The following ACOT6 variants were observed in gnomAD, a reference collection of about 807,000 sequenced individuals.
ACOT6 encodes acyl-CoA thioesterase 6.
ACOT6 carries 14 observed loss-of-function variants against 12.3 expected under a neutral mutation model. That is an observed-to-expected ratio of 1.14 (90% CI 0.75 to 1.78). The LOEUF (loss-of-function observed/expected upper bound fraction) is 1.78, where lower values mean the gene tolerates loss of function less well. ACOT6 is among the 40% of genes most tolerant of loss of function. ACOT6 has a pLI of 0.00. For synonymous variants in ACOT6, 218 were observed against 231.3 expected (o/e 0.94, Z 0.52); for missense variants, 523 against 551.8 (o/e 0.95, Z 0.52).
At position 73,612,862 on chromosome 14, in the gene ACOT6, C is replaced by T. The variant is rs939369426; in HGVS notation, c.291C>T (p.Asp97=). 4 of 1,405,266 alleles carry T rather than the reference C, an allele frequency of 2.8e-6. No homozygotes were observed. In the Admixed American group the frequency reaches 7.1e-5, roughly 25 times the overall value. The allele number at this position is 1,405,266 out of a possible 1,614,324, so 87.0% of individuals were successfully genotyped here. The part of the protein sequence containing the change: ...EKALVRLVKR[D]VRTPFAVELE... ...CCTTGGTGCGGCTGGTGAAGCGCGA[C>T]GTGCGGACGCCCTTCGCCGTGGAGC... The change falls in exon 1 of 3, where the codon GAC becomes GAT. Residue 97 remains aspartate, a synonymous_variant. Coordinates refer to ENST00000645972, the MANE Select transcript of ACOT6 (RefSeq NM_001365788.1).
chr14:73,613,905 A>T (rs767713785), intron 1 of ACOT6, among the ~76,000 whole-genome samples: 1 of 151,908 alleles, frequency 6.6e-6, no homozygotes, highest in Non-Finnish European at 1.5e-5. Flanking sequence ...TATAAAAATG[A>T]TGAGCCGGGC....
Position 73,617,158 on chromosome 14 carries a change from A to T in ACOT6, c.626A>T (p.Glu209Val). Reference sequence around the variant, plus strand: ...AATGATGTACATCTGGAGTACTTTGAAGAAGCCGTGGACTTTATGCTGCAG... The same window carrying T: ...AATGATGTACATCTGGAGTACTTTGTAGAAGCCGTGGACTTTATGCTGCAG... ...DLNDVHLEYF[E>V]EAVDFMLQHP... Residue 209 changes from glutamate to valine, a missense_variant, in exon 2 of 3, where the codon GAA becomes GTA. By Grantham distance (121) the Glu-to-Val change is moderately radical (BLOSUM62 -2). Transcript: ENST00000645972. The T allele has an allele frequency of 1.2e-6, 2 of 1,614,130 alleles. 1 individual carries two copies. Among genetic ancestry groups the T allele is most frequent in the South Asian group, 2.2e-5 (2 of 91,080 alleles).
intron 1 of ACOT6, 107 bp downstream of exon 1, chr14:73,613,139 G>C (rs1409870168): frequency 2.0e-6 from 1 of 491,028 alleles, no homozygotes; most frequent in African/African-American, 2.0e-5. Context: ...CTTCGCTCCA[G>C]AGTCTGTCAT....
chr14:73,616,441 G>T (rs1173610595), intron 1 of ACOT6, among the ~76,000 whole-genome samples: 3 of 151,644 alleles, frequency 2.0e-5, no homozygotes, highest in Non-Finnish European at 4.4e-5. Context: ...ACCTGTAATC[G>T]CAGCACTTTG....
At chr14:73,613,064 G>A in intron 1 of ACOT6, 32 bp downstream of exon 1, 1 of 603,130 alleles carries the variant, frequency 1.7e-6, no homozygotes, top group Non-Finnish European at 2.7e-6. Context: ...CGAGCTCTGC[G>A]ACCCCCACCG....
chr14:73,616,144 T>C (rs1318476417), intron 1 of ACOT6, among the ~76,000 whole-genome samples: 1 of 152,088 alleles, frequency 6.6e-6, no homozygotes, highest in Non-Finnish European at 1.5e-5. Context: ...TTTTTTAAAC[T>C]TTTTTGTAGA....
At chr14:73,616,080 C>T (rs1197159017) in intron 1 of ACOT6, among the ~76,000 whole-genome samples, 1 of 151,784 alleles carries the variant, frequency 6.6e-6, no homozygotes, top group Non-Finnish European at 1.5e-5. Context: ...GATCCTCCCG[C>T]CTCTTCCTCC....
At chr14:73,616,132 A>C (rs1215184195) in intron 1 of ACOT6, among the ~76,000 whole-genome samples, 1 of 152,012 alleles carries the variant, frequency 6.6e-6, no homozygotes, top group Non-Finnish European at 1.5e-5. Context: ...ATGCCCAGCT[A>C]GTTTTTTAAA....
chr14:73,614,941 AC>A (rs1890507739), intron 1 of ACOT6, among the ~76,000 whole-genome samples: 1 of 151,174 alleles, frequency 6.6e-6, no homozygotes, highest in Non-Finnish European at 1.5e-5. Context: ...TACTAAAAAT[AC>A]AAAAGTTAGC....
chr14:73,617,276 G>A, intron 2 of ACOT6, 84 bp downstream of exon 2: 1 of 1,564,868 alleles, frequency 6.4e-7, no homozygotes, highest in East Asian at 2.2e-5. Context: ...CCAGAACACT[G>A]AGAACTAGAA....
At chr14:73,615,555 A>G (rs1890524286) in intron 1 of ACOT6, among the ~76,000 whole-genome samples, 1 of 151,790 alleles carries the variant, frequency 6.6e-6, no homozygotes, top group African/African-American at 2.4e-5. Flanking sequence ...ACATGGTGAA[A>G]CCCCATCTCT....
chr14:73,619,519 G>A lies in ACOT6; in HGVS notation c.946G>A (p.Val316Met), dbSNP rs1360676383. Residue 316 changes from valine (V) to methionine (M), a missense_variant, in exon 3 of 3, where the codon GTG becomes ATG. Val to Met is a conservative substitution (Grantham distance 21, BLOSUM62 1). This residue lies in a region of ACOT6 where 219 missense variants were observed against 277.0 expected (regional missense o/e 0.79). Transcript: ENST00000645972. ...QSLVPLEKAQ[V>M]PFLFIVGMDD... is the part of the protein sequence containing the mutation. Reference sequence around the variant, plus strand: ...TCTTGTTCCATTGGAAAAGGCGCAGGTGCCCTTCTTGTTTATTGTTGGCAT... The same window carrying A: ...TCTTGTTCCATTGGAAAAGGCGCAGATGCCCTTCTTGTTTATTGTTGGCAT... 1.9e-6 allele frequency: 3 copies of A among 1,614,220 alleles called. No individual in the cohort carries two copies. The highest frequency in any genetic ancestry group is 2.5e-6 in the Non-Finnish European group (3 of 1,180,030).
intron 1 of ACOT6, among the ~76,000 whole-genome samples, chr14:73,615,398 AAAAAAAAAACAAAAAAC>A (rs1261833541): frequency 1.4e-5 from 2 of 141,934 alleles, no homozygotes; most frequent in East Asian, 2.2e-4. Context: ...TAAAAAAAAA[AAAAAAAAAACAAAAAAC>A]AAAAAAAACC....
Position 73,619,489 on chromosome 14 carries a change from CA to C in ACOT6, c.919del (p.Ser307ValfsTer31). Reference sequence around the variant, plus strand: ...CAATCCACTGGAGGAACACAATCACCAAAGTCTTGTTCCATTGGAAAAGGCG... The same window carrying C: ...CAATCCACTGGAGGAACACAATCACCAAGTCTTGTTCCATTGGAAAAGGCG... ...WSNPLEEHNH[Q>X]SLVPLEKAQV... On this transcript the variant is annotated frameshift_variant, in exon 3 of 3. Transcript: ENST00000645972. LOFTEE classifies it low-confidence loss of function (END_TRUNC). The C allele has an allele frequency of 6.2e-7, 1 of 1,614,216 alleles. No homozygotes were observed. The highest frequency in any genetic ancestry group is 1.1e-5 in the South Asian group (1 of 91,084).
chr14:73,615,388 T>TAA lies in ACOT6; in HGVS notation c.462-1588_462-1587dup, dbSNP rs1160138803. 8.1e-3 allele frequency among the ~76,000 whole-genome samples: 513 copies of TAA among 63,210 alleles called. 38 individuals carry two copies. The highest frequency in any genetic ancestry group is 0.036 in the African/African-American group (360 of 9,970). 41.5% of individuals were successfully genotyped at this position (63,210 alleles called of 152,430 possible). ...GGCAACAGAGAGAGACTCTGTCTGATAAAAAAAAAAAAAAAAAAACAAAAA... is the reference window on the plus strand; with the variant it reads ...GGCAACAGAGAGAGACTCTGTCTGATAAAAAAAAAAAAAAAAAAAAACAAAAA... On this transcript the variant is annotated intron_variant, in intron 1 of 2. Coordinates refer to ENST00000645972, the MANE Select transcript of ACOT6 (RefSeq NM_001365788.1).
Position 73,612,868 on chromosome 14 carries a change from G to T in ACOT6, c.297G>T (p.Arg99=). ...ALVRLVKRDV[R]TPFAVELEVL... ...TGCGGCTGGTGAAGCGCGACGTGCG[G>T]ACGCCCTTCGCCGTGGAGCTGGAAG... Residue 99 remains arginine, a synonymous_variant, in exon 1 of 3, where the codon CGG becomes CGT. Coordinates refer to ENST00000645972, the MANE Select transcript of ACOT6 (RefSeq NM_001365788.1). 7.1e-7 allele frequency: 1 copy of T among 1,404,414 alleles called. No individual in the cohort carries two copies. 87.0% of individuals were successfully genotyped at this position (1,404,414 alleles called of 1,614,324 possible).
chr14:73,618,884 A>G (rs546431275), intron 2 of ACOT6, among the ~76,000 whole-genome samples: 58 of 152,260 alleles, frequency 3.8e-4, no homozygotes, highest in African/African-American at 1.3e-3. Flanking sequence ...TAATCCCAGC[A>G]CTTTGGGAGG....
chr14:73,617,144 T>A lies in ACOT6; in HGVS notation c.612T>A (p.His204Gln). 6.2e-7 allele frequency: 1 copy of A among 1,614,016 alleles called. No homozygotes were observed. The highest frequency in any genetic ancestry group is 1.1e-5 in the South Asian group (1 of 91,082). ...EDLPEDLNDVHLEYFEEAVDF... is the reference protein window; with the variant it reads ...EDLPEDLNDVQLEYFEEAVDF... ...TCCCCGAAGATCTGAATGATGTACATCTGGAGTACTTTGAAGAAGCCGTGG... is the reference window on the plus strand; with the variant it reads ...TCCCCGAAGATCTGAATGATGTACAACTGGAGTACTTTGAAGAAGCCGTGG... Residue 204 changes from histidine to glutamine, a missense_variant, in exon 2 of 3, where the codon CAT becomes CAA. His to Gln is a conservative substitution (Grantham distance 24, BLOSUM62 0). Transcript: ENST00000645972.
upstream of ACOT6, among the ~76,000 whole-genome samples, chr14:73,612,070 T>G (rs1890453146): frequency 6.6e-6 from 1 of 152,048 alleles, no homozygotes. Flanking sequence ...AGACGGAGTT[T>G]TGCCCTTGTT....
Sources: allele counts gnomAD v4.1 joint callset (sites outside exome capture counted in the v4.1 genomes callset), GRCh38; gene constraint gnomAD v4.1.1; regional missense constraint gnomAD v4.1.1; transcripts MANE v1.5; gene names NCBI Gene and HGNC (gene_info 2026-07-23, HGNC 2026-07-21).